FAM149B1: variants seen among roughly 807,000 people sequenced by gnomAD.
FAM149B1 encodes family with sequence similarity 149 member B1.
In FAM149B1, 56 loss-of-function variants were observed where a neutral mutation model predicts 75.3. That is an observed-to-expected ratio of 0.74 (90% CI 0.60 to 0.93). FAM149B1 has a LOEUF of 0.93. Among genes scored for constraint, FAM149B1 ranks in the 40% least tolerant of loss-of-function variants. The pLI is 0.00. For synonymous variants in FAM149B1, 259 were observed against 256.1 expected (o/e 1.01, Z -0.11); for missense variants, 639 against 708.4 (o/e 0.90, Z 1.11).
chr10:73,168,399 C>T lies in FAM149B1; in HGVS notation c.47+13C>T. The stretch of plus-strand genomic sequence containing the variant: ...AGAGCTTGGAGCTGTGAGTGGACTG[C>T]TCAGCCACCCCAGCCGGGGCGGGCG... On this transcript the variant is annotated intron_variant, in intron 1 of 13. Coordinates refer to ENST00000242505, the MANE Select transcript of FAM149B1 (RefSeq NM_173348.2). 1.3e-6 allele frequency: 2 copies of T among 1,549,374 alleles called. 1 individual carries two copies. Among genetic ancestry groups the T allele is most frequent in the South Asian group, 2.4e-5 (2 of 83,954 alleles).
rs1174584903 is a variant in FAM149B1, at chr10:73,168,171, C to T, written c.-169C>T. 6 of 674,798 alleles carry T rather than the reference C, an allele frequency of 8.9e-6. No individual in the cohort carries two copies. Among genetic ancestry groups the T allele is most frequent in the East Asian group, 2.9e-5 (1 of 33,950 alleles). 41.8% of individuals were successfully genotyped at this position (674,798 alleles called of 1,614,324 possible). On this transcript the variant is annotated 5_prime_UTR_variant, in exon 1 of 14. Coordinates refer to ENST00000242505, the MANE Select transcript of FAM149B1 (RefSeq NM_173348.2). ...GGTCGGAGGACTGGAGAGGTGGGGA[C>T]CCTGGGGAGGTGGCTGCTCGGAGTC...
chr10:73,202,864 A>AT (rs2042972594), intron 5 of FAM149B1, among the ~76,000 whole-genome samples: 1 of 151,584 alleles, frequency 6.6e-6, no homozygotes, highest in Non-Finnish European at 1.5e-5. Context: ...CTAATTTTGT[A>AT]TTTTTTGTAG....
At chr10:73,238,252 C>G (rs1554864945) in intron 12 of FAM149B1, among the ~76,000 whole-genome samples, 1 of 152,120 alleles carries the variant, frequency 6.6e-6, no homozygotes, top group Non-Finnish European at 1.5e-5. Context: ...GAGGCTAAGG[C>G]AGGAGAATTG....
chr10:73,208,658 T>C lies in FAM149B1; in HGVS notation c.582T>C (p.Ser194=). 6.5e-7 allele frequency: 1 copy of C among 1,545,392 alleles called. No homozygotes were observed. The highest frequency in any genetic ancestry group is 8.7e-7 in the Non-Finnish European group (1 of 1,143,572). ...GAAAGAAGTTACATTTTTCATCTTCTTATGCTCATAAAGCATCTTCCATTG... is the reference window on the plus strand; with the variant it reads ...GAAAGAAGTTACATTTTTCATCTTCCTATGCTCATAAAGCATCTTCCATTG... ...IRGKKLHFSS[S]YAHKASSIAK... Residue 194 remains serine, a synonymous_variant, in exon 6 of 14, where the codon TCT becomes TCC. Coordinates refer to ENST00000242505, the MANE Select transcript of FAM149B1 (RefSeq NM_173348.2).
chr10:73,206,926 CA>C (rs1345694278), intron 5 of FAM149B1, among the ~76,000 whole-genome samples: 1 of 151,766 alleles, frequency 6.6e-6, no homozygotes, highest in African/African-American at 2.4e-5. Flanking sequence ...AAAAAACAAA[CA>C]AACAAACAAA....
At chr10:73,171,116 G>A (rs1469751648) in intron 1 of FAM149B1, among the ~76,000 whole-genome samples, 1 of 152,052 alleles carries the variant, frequency 6.6e-6, no homozygotes, top group African/African-American at 2.4e-5. Context: ...TACATGCCCA[G>A]CTAATTTTTG....
chr10:73,178,848 T>C (rs1055741736), intron 3 of FAM149B1, among the ~76,000 whole-genome samples: 1 of 152,242 alleles, frequency 6.6e-6, no homozygotes, highest in Non-Finnish European at 1.5e-5. Flanking sequence ...TATTTTTGGC[T>C]ATTTCCCATT....
chr10:73,194,740 A>G (rs1255152199), intron 5 of FAM149B1, among the ~76,000 whole-genome samples: 1 of 150,682 alleles, frequency 6.6e-6, no homozygotes, highest in African/African-American at 2.5e-5. Flanking sequence ...GCAGTGTGCA[A>G]TGGTGCAATC....
intron 7 of FAM149B1, among the ~76,000 whole-genome samples, chr10:73,221,611 C>T (rs2043416460): frequency 6.6e-6 from 1 of 151,910 alleles, no homozygotes; most frequent in Non-Finnish European, 1.5e-5. Context: ...TATGATGTGC[C>T]TTAATGTAGT....
rs369855892 is a variant in FAM149B1 at position 73,180,116 on chromosome 10, G to A, written c.282+2141G>A. ...ATAAGTGCTCTAAGAAAGATGACAG[G>A]GTGCTGAAATAGAACATTATCAGGG... On this transcript the variant is annotated intron_variant, in intron 3 of 13. Transcript: ENST00000242505. Among the ~76,000 whole-genome samples the A allele has an allele frequency of 1.3e-4, 20 of 152,256 alleles. No homozygotes were observed. In the East Asian group the frequency reaches 3.5e-3, roughly 26 times the overall value.
rs114677929 is a variant in FAM149B1 at position 73,227,007 on chromosome 10, A to G, written c.899-1053A>G. Among the ~76,000 whole-genome samples, 88 of 152,372 alleles carry G rather than the reference A, an allele frequency of 5.8e-4. 1 individual carries two copies. Among genetic ancestry groups the G allele is most frequent in the African/African-American group, 2.0e-3 (84 of 41,584 alleles). ...AAACTCTGGTGAAATGTAATCACCT[A>G]TTTATAACTTGTTTTTATAATGATT... On this transcript the variant is annotated intron_variant, in intron 7 of 13. Coordinates refer to ENST00000242505, the MANE Select transcript of FAM149B1 (RefSeq NM_173348.2).
At chr10:73,240,332 G>A (rs1472713749) in intron 13 of FAM149B1, among the ~76,000 whole-genome samples, 1 of 152,132 alleles carries the variant, frequency 6.6e-6, no homozygotes, top group Non-Finnish European at 1.5e-5. Context: ...TCAGTTCCCC[G>A]CAGCATTGTC....
intron 5 of FAM149B1, among the ~76,000 whole-genome samples, chr10:73,202,385 T>C (rs2042958488): frequency 1.3e-5 from 2 of 152,122 alleles, no homozygotes; most frequent in African/African-American, 4.8e-5. Context: ...ATATAATTGG[T>C]TATAAGTGGA....
chr10:73,180,231 C>T (rs570437376), intron 3 of FAM149B1, among the ~76,000 whole-genome samples: 5 of 152,228 alleles, frequency 3.3e-5, no homozygotes, highest in African/African-American at 1.2e-4. Flanking sequence ...AAGAGTTTTC[C>T]AGACAGGTAA....
At chr10:73,215,209 T>C (rs1020495605) in intron 7 of FAM149B1, among the ~76,000 whole-genome samples, 1 of 151,976 alleles carries the variant, frequency 6.6e-6, no homozygotes, top group African/African-American at 2.4e-5. Context: ...TTAGTAGAGA[T>C]AGGGTTTTGT....
chr10:73,177,820 C>T (rs1436689282), intron 2 of FAM149B1, 26 bp from the exon 3 acceptor site: 2 of 1,533,760 alleles, frequency 1.3e-6, no homozygotes, highest in South Asian at 1.2e-5. Flanking sequence ...TCTTTTTTCT[C>T]TCCTCCTCCC....
At position 73,241,217 on chromosome 10, in the gene FAM149B1, A is replaced by G; in HGVS notation, c.*198A>G. 1.8e-6 allele frequency: 1 copy of G among 545,300 alleles called. No homozygotes were observed. The highest frequency in any genetic ancestry group is 2.0e-5 in the South Asian group (1 of 50,214). 33.8% of individuals were successfully genotyped at this position (545,300 alleles called of 1,614,324 possible). ...ATGAGTGTTGTTTCTATCTCCAGTT[A>G]CTGTCTCTTTCAGCAGAAATTAACC... is the stretch of plus-strand genomic sequence containing the variant. On this transcript the variant is annotated 3_prime_UTR_variant, in exon 14 of 14. Transcript: ENST00000242505.
chr10:73,188,704 G>A (rs2042592680), intron 3 of FAM149B1, among the ~76,000 whole-genome samples: 1 of 148,860 alleles, frequency 6.7e-6, no homozygotes, highest in African/African-American at 2.5e-5. Flanking sequence ...CAGCCTGGGC[G>A]ACAGAGAGAG....
intron 3 of FAM149B1, among the ~76,000 whole-genome samples, chr10:73,179,925 C>T (rs2042356883): frequency 6.6e-6 from 1 of 152,010 alleles, no homozygotes; most frequent in South Asian, 2.1e-4. Flanking sequence ...GGATCTTTCC[C>T]TTATTATCTG....
Sources: gnomAD v4.1 joint callset for allele counts (sites outside exome capture counted in the v4.1 genomes callset) on GRCh38, gnomAD v4.1.1 for gene constraint, MANE v1.5 for transcripts, NCBI Gene and HGNC (gene_info 2026-07-23, HGNC 2026-07-21) for gene names.